Variants in MAP2K5 observed in about 807,000 individuals in gnomAD.
MAP2K5 encodes the protein mitogen-activated protein kinase kinase 5.
Under a neutral mutation model 83.1 loss-of-function variants are expected in MAP2K5, and 49 were observed. The ratio of observed to expected loss-of-function variants is 0.59; its 90% confidence interval spans 0.47 to 0.75. The LOEUF is 0.75. MAP2K5 is among the 30% of genes least tolerant of loss of function. MAP2K5 has a pLI of 0.00. For missense variants in MAP2K5, 457 were observed against 557.5 expected (o/e 0.82, Z 1.82); for synonymous variants, 202 against 191.8 (o/e 1.05, Z -0.44).
chr15:67,776,905 C>T (rs904309205), intron 21 of MAP2K5, among the ~76,000 whole-genome samples: 3 of 152,200 alleles, frequency 2.0e-5, no homozygotes, highest in Admixed American at 6.5e-5. Flanking sequence ...TCTGCAAAAC[C>T]GAGGGGGCAG....
chr15:67,749,828 T>C lies in MAP2K5; in HGVS notation c.1134+1227T>C, dbSNP rs963789986. 1.3e-5 allele frequency among the ~76,000 whole-genome samples: 2 copies of C among 152,212 alleles called. No homozygotes were observed. Among genetic ancestry groups the C allele is most frequent in the Non-Finnish European group, 2.9e-5 (2 of 68,030 alleles). ...AAGCCTACTATCCCCATCAGAATCCTCCCAATTTAACTGGTTTTCCTGAGG... is the reference window on the plus strand; with the variant it reads ...AAGCCTACTATCCCCATCAGAATCCCCCCAATTTAACTGGTTTTCCTGAGG... On this transcript the variant is annotated intron_variant, in intron 19 of 21. Transcript: ENST00000178640. This position sits in a 1 kb window ranked among gnomAD's most constrained non-coding sequence, Gnocchi z 4.6.
In MAP2K5 at chr15:67,644,657, C is replaced by T. The variant is rs2086791169; in HGVS notation, c.586-1574C>T. Among the ~76,000 whole-genome samples, 1 of 151,758 alleles carries T rather than the reference C, an allele frequency of 6.6e-6. No individual in the cohort carries two copies. The highest frequency in any genetic ancestry group is 2.4e-5 in the African/African-American group (1 of 41,306). ...CTGAGTCCAGAGGAGGGGGTCCTAC[C>T]ATTCCCAGGCTCTGTGGCTCCCAGG... On this transcript the variant is annotated intron_variant, in intron 9 of 21. Transcript: ENST00000178640. The surrounding 1 kb of genome is among the most constrained non-coding windows in gnomAD (Gnocchi z 4.6).
intron 9 of MAP2K5, among the ~76,000 whole-genome samples, chr15:67,645,048 T>C (rs2086799857): frequency 6.6e-6 from 1 of 152,060 alleles, no homozygotes; most frequent in African/African-American, 2.4e-5. Context: ...CTCAGGAGGC[T>C]GAGACACGAG....
chr15:67,604,356 T>C (rs183565639), intron 8 of MAP2K5, among the ~76,000 whole-genome samples: 101 of 152,366 alleles, frequency 6.6e-4, no homozygotes, highest in African/African-American at 2.1e-3. Flanking sequence ...GTTGCCTCAT[T>C]TCCTAAAGTG....
intron 11 of MAP2K5, among the ~76,000 whole-genome samples, chr15:67,651,012 CA>C (rs1172663540): frequency 6.6e-6 from 1 of 152,124 alleles, no homozygotes; most frequent in African/African-American, 2.4e-5. Flanking sequence ...GTCAGGAGTT[CA>C]AGACCAGCCT....
Position 67,644,877 on chromosome 15 carries a change from G to T in MAP2K5, c.586-1354G>T, listed in dbSNP as rs1008420487. On this transcript the variant is annotated intron_variant, in intron 9 of 21. Coordinates refer to ENST00000178640, the MANE Select transcript of MAP2K5 (RefSeq NM_145160.3). The surrounding 1 kb of genome is among the most constrained non-coding windows in gnomAD (Gnocchi z 4.6). ...TAAAATGTTATTTTTGGCTGGGCATGGTGGCTTACGCTTGTAATCCCAGAA... is the reference window on the plus strand; with the variant it reads ...TAAAATGTTATTTTTGGCTGGGCATTGTGGCTTACGCTTGTAATCCCAGAA... Among the ~76,000 whole-genome samples the T allele has an allele frequency of 1.3e-5, 2 of 152,120 alleles. No individual in the cohort carries two copies. Among genetic ancestry groups the T allele is most frequent in the African/African-American group, 2.4e-5 (1 of 41,410 alleles).
chr15:67,656,800 T>G (rs1258340830), intron 11 of MAP2K5, among the ~76,000 whole-genome samples: 1 of 152,172 alleles, frequency 6.6e-6, no homozygotes, highest in Non-Finnish European at 1.5e-5. Flanking sequence ...CCCTAATGTT[T>G]GATAGGTCTA....
At chr15:67,800,738 C>G (rs2141345949) in intron 21 of MAP2K5, among the ~76,000 whole-genome samples, 1 of 152,274 alleles carries the variant, frequency 6.6e-6, no homozygotes, top group South Asian at 2.1e-4. Flanking sequence ...TGATGGGGCT[C>G]AGTGTACCTG....
intron 8 of MAP2K5, among the ~76,000 whole-genome samples, chr15:67,629,327 A>G (rs1416362903): frequency 6.6e-6 from 1 of 152,212 alleles, no homozygotes; most frequent in Non-Finnish European, 1.5e-5. Context: ...GTCTAATTGT[A>G]TAACAGGTTA....
At chr15:67,753,192 C>T (rs926664092) in intron 19 of MAP2K5, among the ~76,000 whole-genome samples, 2 of 152,006 alleles carry the variant, frequency 1.3e-5, no homozygotes, top group Admixed American at 1.3e-4. Flanking sequence ...CAAAAATTAA[C>T]TCAAAAAATG....
intron 17 of MAP2K5, among the ~76,000 whole-genome samples, chr15:67,744,398 A>C (rs59315862): frequency 0.013 from 2,030 of 152,380 alleles, 43 homozygotes; most frequent in African/African-American, 0.047. Context: ...ATTTAAGAGA[A>C]AATAATACAA....
rs138705732 is a variant in MAP2K5 at position 67,734,716 on chromosome 15, C to G, written c.1074+6771C>G. Among the ~76,000 whole-genome samples the G allele has an allele frequency of 1.5e-3, 226 of 152,214 alleles. 1 individual carries two copies. Among genetic ancestry groups the G allele is most frequent in the African/African-American group, 5.4e-3 (224 of 41,566 alleles). On this transcript the variant is annotated intron_variant, in intron 17 of 21. Transcript: ENST00000178640. ...TTGCAAAATACCTAAAAAGTTTGCA[C>G]TCTTTGAAAAGAGGTATTAGAATCT...
At chr15:67,673,492 T>C (rs2087599386) in intron 13 of MAP2K5, among the ~76,000 whole-genome samples, 1 of 152,120 alleles carries the variant, frequency 6.6e-6, no homozygotes, top group Non-Finnish European at 1.5e-5. Context: ...AGAGAAATGG[T>C]TTGGTAGAGG....
intron 13 of MAP2K5, among the ~76,000 whole-genome samples, chr15:67,667,080 C>T (rs1014747271): frequency 6.6e-5 from 10 of 152,276 alleles, no homozygotes; most frequent in African/African-American, 1.7e-4. Flanking sequence ...AGCCAGGTGT[C>T]CCTGAAGACT....
intron 20 of MAP2K5, among the ~76,000 whole-genome samples, chr15:67,771,946 C>T (rs1461938721): frequency 6.6e-6 from 1 of 152,200 alleles, no homozygotes; most frequent in Non-Finnish European, 1.5e-5. Context: ...AAGTAGGCAG[C>T]TGCCCACAGT....
At chr15:67,564,420 G>T (rs1373730442) in intron 3 of MAP2K5, among the ~76,000 whole-genome samples, 3 of 152,190 alleles carry the variant, frequency 2.0e-5, no homozygotes, top group Non-Finnish European at 1.5e-5. Flanking sequence ...CAGTTAGGTT[G>T]TAGGTTTTTG....
chr15:67,703,923 C>T (rs535297998), intron 16 of MAP2K5, among the ~76,000 whole-genome samples: 1 of 152,108 alleles, frequency 6.6e-6, no homozygotes, highest in Admixed American at 6.5e-5. Context: ...CCAGTATAGT[C>T]TTATCACATG....
intron 16 of MAP2K5, among the ~76,000 whole-genome samples, chr15:67,710,051 A>C (rs934617181): frequency 2.0e-5 from 3 of 152,180 alleles, no homozygotes; most frequent in Admixed American, 2.0e-4. Flanking sequence ...TTTTAGAGGC[A>C]GAGTCTTGCT....
intron 8 of MAP2K5, chr15:67,628,290 G>A (rs546933140): frequency 4.0e-5 from 21 of 522,200 alleles, no homozygotes; most frequent in Non-Finnish European, 6.2e-5. Flanking sequence ...GACCAGCCTG[G>A]CCAACATGGT....
Sources: gnomAD v4.1 joint callset for allele counts (sites outside exome capture counted in the v4.1 genomes callset) on GRCh38, gnomAD v4.1.1 for gene constraint, Gnocchi (gnomAD v3.1) non-coding constraint, MANE v1.5 for transcripts, NCBI Gene and HGNC (gene_info 2026-07-23, HGNC 2026-07-21) for gene names.